The following TAF2 variants were observed in gnomAD, a reference collection of about 807,000 sequenced individuals.
TAF2 encodes the protein TATA-box binding protein associated factor 2, also known as transcription initiation factor TFIID subunit 2.
Under a neutral mutation model 138.5 loss-of-function variants are expected in TAF2, and 61 were observed. The observed-to-expected ratio is 0.44, with a 90% CI of 0.36 to 0.54. The LOEUF (loss-of-function observed/expected upper bound fraction) is 0.54. Among genes scored for constraint, TAF2 ranks in the 20% least tolerant of loss-of-function variants. TAF2 has a pLI of 0.00. For missense variants in TAF2, 1,090 were observed against 1,427.9 expected, an observed-to-expected ratio of 0.76 and a Z score of 3.81; for synonymous variants, 475 against 469.9, an observed-to-expected ratio of 1.01 and a Z score of -0.14.
chr8:119,737,789 T>C (rs1360593204), intron 25 of TAF2, among the ~76,000 whole-genome samples: 4 of 152,074 alleles, frequency 2.6e-5, no homozygotes, highest in Non-Finnish European at 5.9e-5. Flanking sequence ...ATTACAGGCG[T>C]GAGCCACCGT....
chr8:119,769,842 C>T (rs1173855836), intron 18 of TAF2, among the ~76,000 whole-genome samples: 1 of 151,684 alleles, frequency 6.6e-6, no homozygotes, highest in Non-Finnish European at 1.5e-5. Context: ...ACTGCAACCT[C>T]CGCCTCCCGG....
At chr8:119,825,992 CTGA>C (rs1563931026) in intron 2 of TAF2, among the ~76,000 whole-genome samples, 3 of 151,892 alleles carry the variant, frequency 2.0e-5, no homozygotes, top group African/African-American at 7.3e-5. Context: ...GTGCCTGGCC[CTGA>C]TGGTTTTAAA....
intron 18 of TAF2, among the ~76,000 whole-genome samples, chr8:119,764,624 A>T (rs1586360240): frequency 6.6e-6 from 1 of 152,206 alleles, no homozygotes; most frequent in East Asian, 1.9e-4. Context: ...TCTGTGTCTT[A>T]CTTTTGTCAA....
intron 22 of TAF2, among the ~76,000 whole-genome samples, chr8:119,747,621 C>A (rs1455727091): frequency 2.0e-5 from 3 of 152,148 alleles, no homozygotes; most frequent in African/African-American, 7.2e-5. Context: ...AATGACAGAT[C>A]AGAGCACATT....
At position 119,824,306 on chromosome 8, in the gene TAF2, T is replaced by C. The variant is rs189492356; in HGVS notation, c.139-4800A>G. ...TTAGCCAGGCATGGTGGTGGGCGCC[T>C]GTAATCCCAGCTACTCAGGAGGCTG... On this transcript the variant is annotated intron_variant, in intron 2 of 25. Coordinates refer to ENST00000378164, the MANE Select transcript of TAF2 (RefSeq NM_003184.4). Among the ~76,000 whole-genome samples the C allele has an allele frequency of 2.2e-3, 337 of 151,566 alleles. 1 individual carries two copies. The highest frequency in any genetic ancestry group is 7.8e-3 in the African/African-American group (323 of 41,296).
At chr8:119,802,126 C>T in intron 5 of TAF2, 101 bp from the exon 6 acceptor site, 1 of 1,042,406 alleles carries the variant, frequency 9.6e-7, no homozygotes, top group Non-Finnish European at 1.4e-6. Context: ...AATGAACAAA[C>T]AAAACCTTTA....
chr8:119,763,880 G>A (rs958052129), intron 18 of TAF2, among the ~76,000 whole-genome samples: 1 of 150,940 alleles, frequency 6.6e-6, no homozygotes, highest in Non-Finnish European at 1.5e-5. Context: ...GCTGGGCGTG[G>A]TGGCTCACAC....
chr8:119,755,233 A>G (rs1036828059), intron 22 of TAF2, among the ~76,000 whole-genome samples: 2 of 152,216 alleles, frequency 1.3e-5, no homozygotes, highest in East Asian at 1.9e-4. Context: ...AAGGCTGGGT[A>G]CAGTGTTTCA....
chr8:119,800,694 C>A (rs1052549058), intron 6 of TAF2, among the ~76,000 whole-genome samples: 1 of 152,142 alleles, frequency 6.6e-6, no homozygotes, highest in Non-Finnish European at 1.5e-5. Context: ...ACAAAATATC[C>A]TGAATCTTTT....
intron 3 of TAF2, among the ~76,000 whole-genome samples, chr8:119,817,379 C>T (rs754552117): frequency 6.6e-6 from 1 of 152,070 alleles, no homozygotes; most frequent in Non-Finnish European, 1.5e-5. Flanking sequence ...TTGTGAACTG[C>T]GCATGCAAGA....
intron 6 of TAF2, among the ~76,000 whole-genome samples, chr8:119,799,631 T>C (rs186623412): frequency 2.8e-4 from 42 of 152,338 alleles, no homozygotes; most frequent in African/African-American, 9.9e-4. Context: ...TCTGTCTTTA[T>C]AGCAGCATGA....
rs915957999 is a variant in TAF2 at position 119,752,497 on chromosome 8, C to T, written c.2878+3509G>A. Among the ~76,000 whole-genome samples the T allele has an allele frequency of 3.3e-5, 5 of 152,004 alleles. No homozygotes were observed. In the East Asian group the frequency reaches 9.7e-4, roughly 29 times the overall value. ...TAAAGTGATTCAGCTACCAAGAGCC[C>T]TCAGTTTCTGTACCTGTCTCTCAGC... On this transcript the variant is annotated intron_variant, in intron 22 of 25. Coordinates refer to ENST00000378164, the MANE Select transcript of TAF2 (RefSeq NM_003184.4).
chr8:119,819,046 G>C (rs973359863), intron 3 of TAF2, among the ~76,000 whole-genome samples: 1 of 151,998 alleles, frequency 6.6e-6, no homozygotes, highest in Non-Finnish European at 1.5e-5. Flanking sequence ...CAAAATTTAT[G>C]AAGTAAATAA....
intron 21 of TAF2, among the ~76,000 whole-genome samples, chr8:119,756,447 C>T (rs16893113): frequency 0.27 from 41,245 of 151,904 alleles, 6,857 homozygotes; most frequent in Admixed American, 0.46. Flanking sequence ...CCTAACCAAT[C>T]TCTCCCATCC....
chr8:119,755,212 A>G (rs1205740572), intron 22 of TAF2, among the ~76,000 whole-genome samples: 3 of 152,238 alleles, frequency 2.0e-5, no homozygotes, highest in Non-Finnish European at 4.4e-5. Flanking sequence ...GTAATAAATT[A>G]AAACTGTGAT....
intron 18 of TAF2, among the ~76,000 whole-genome samples, chr8:119,773,213 A>C (rs1278366209): frequency 6.6e-6 from 1 of 151,366 alleles, no homozygotes. Flanking sequence ...TAATAAGTAG[A>C]TTATTCTTTT....
At chr8:119,752,791 G>A (rs963292584) in intron 22 of TAF2, among the ~76,000 whole-genome samples, 2 of 152,110 alleles carry the variant, frequency 1.3e-5, no homozygotes, top group Admixed American at 1.3e-4. Flanking sequence ...TTTTAAATTG[G>A]TTCAGTAAAT....
At chr8:119,776,041 G>A (rs1805880199) in intron 18 of TAF2, among the ~76,000 whole-genome samples, 1 of 152,128 alleles carries the variant, frequency 6.6e-6, no homozygotes. Flanking sequence ...AAATTGGTAT[G>A]CATAGACGAG....
At chr8:119,791,587 T>G (rs1246462650) in intron 10 of TAF2, 128 bp from the exon 11 acceptor site, 1 of 1,017,438 alleles carries the variant, frequency 9.8e-7, no homozygotes, top group African/African-American at 1.6e-5. Context: ...TCCTTAGTAC[T>G]AATAAACATC....
Sources: gnomAD v4.1 joint callset for allele counts (sites outside exome capture counted in the v4.1 genomes callset) on GRCh38, gnomAD v4.1.1 for gene constraint, MANE v1.5 for transcripts, NCBI Gene and HGNC (gene_info 2026-07-23, HGNC 2026-07-21) for gene names.